Variants in TXLNG observed in about 807,000 individuals in gnomAD.
The protein encoded by TXLNG is taxilin gamma.
In TXLNG, 5 loss-of-function variants were observed where a neutral mutation model predicts 38.8. The ratio of observed to expected loss-of-function variants is 0.13; its 90% CI spans 0.07 to 0.27. The LOEUF (loss-of-function observed/expected upper bound fraction) is 0.27. TXLNG is among the 10% of genes least tolerant of loss of function. The pLI, the probability that TXLNG is intolerant of heterozygous loss-of-function variation, is 1.00. For synonymous variants in TXLNG, 182 were observed against 158.2 expected (o/e 1.15, Z -1.13); for missense variants, 393 against 398.2 (o/e 0.99, Z 0.11).
intron 3 of TXLNG, among the ~76,000 whole-genome samples, chrX:16,823,934 TTACTCTC>T (rs933564083): frequency 1.5e-4 from 14 of 91,497 alleles, no homozygotes; most frequent in African/African-American, 4.7e-4. Context: ...TCTTGGCCCT[TTACTCTC>T]TATAGATTTT....
chrX:16,820,739 C>A (rs1233739378), intron 3 of TXLNG, among the ~76,000 whole-genome samples: 2 of 112,339 alleles, frequency 1.8e-5, no homozygotes, highest in Non-Finnish European at 3.8e-5. Flanking sequence ...GAAACAGTGA[C>A]CTTATCAAAG....
chrX:16,811,182 T>C (rs1218480141), intron 1 of TXLNG, among the ~76,000 whole-genome samples: 1 of 111,488 alleles, frequency 9.0e-6, no homozygotes, highest in Non-Finnish European at 1.9e-5. Context: ...GAGGCAGGAG[T>C]GTCTGGAAAG....
intron 1 of TXLNG, among the ~76,000 whole-genome samples, chrX:16,805,031 G>A (rs1490623201): frequency 1.3e-5 from 1 of 79,643 alleles, no homozygotes; most frequent in Non-Finnish European, 2.2e-5. Context: ...TGGCTGTGTT[G>A]CCCAGGCTAG....
chrX:16,789,951 C>G (rs895073341), intron 1 of TXLNG, among the ~76,000 whole-genome samples: 2 of 109,918 alleles, frequency 1.8e-5, no homozygotes, highest in African/African-American at 6.6e-5. Flanking sequence ...TGTGCCACCA[C>G]GCCCGGCTAA....
At chrX:16,827,733 T>C (rs1456734038) in intron 3 of TXLNG, among the ~76,000 whole-genome samples, 1 of 111,959 alleles carries the variant, frequency 8.9e-6, no homozygotes, top group East Asian at 2.8e-4. Flanking sequence ...CCTTACTGAT[T>C]ATCTGTACTA....
chrX:16,795,216 G>T (rs944914042), intron 1 of TXLNG, among the ~76,000 whole-genome samples: 1 of 110,757 alleles, frequency 9.0e-6, no homozygotes, highest in Non-Finnish European at 1.9e-5. Context: ...GGCGGAGCTT[G>T]CAGCGAGCCG....
At position 16,829,695 on chromosome X, in the gene TXLNG, C is replaced by T; in HGVS notation, c.789C>T (p.Ala263=). Residue 263 remains alanine (A), a synonymous_variant, in exon 5 of 10, where the codon GCC becomes GCT. Coordinates refer to ENST00000380122, the MANE Select transcript of TXLNG (RefSeq NM_018360.3). ...TGGAGCAGCATGACATCCACAACGC[C>T]AAACTCCGACAGGAAAACATTGAGC... ...AQLEQHDIHN[A]KLRQENIELG... is the part of the protein sequence containing the mutation. The T allele has an allele frequency of 1.7e-6, 2 of 1,211,800 alleles. No individual in the cohort carries two copies. Among genetic ancestry groups the T allele is most frequent in the Middle Eastern group, 2.3e-4 (1 of 4,355 alleles).
At chrX:16,787,479 G>A (rs1300000347) in intron 1 of TXLNG, among the ~76,000 whole-genome samples, 1 of 111,201 alleles carries the variant, frequency 9.0e-6, no homozygotes, top group Non-Finnish European at 1.9e-5. Context: ...TGGGAAACAG[G>A]CCGGACTGTT....
At chrX:16,807,790 A>T (rs944825641) in intron 1 of TXLNG, among the ~76,000 whole-genome samples, 1 of 111,557 alleles carries the variant, frequency 9.0e-6, no homozygotes, top group African/African-American at 3.3e-5. Context: ...TCCTCTGCAT[A>T]TGCCTGGCCC....
At chrX:16,818,909 C>T in intron 2 of TXLNG, 32 bp downstream of exon 2, 1 of 1,148,210 alleles carries the variant, frequency 8.7e-7, no homozygotes. Context: ...GGACGTTTCA[C>T]ATGCTAATCA....
intron 3 of TXLNG, 134 bp from the exon 4 acceptor site, chrX:16,827,960 A>T: frequency 5.6e-6 from 3 of 535,997 alleles, no homozygotes; most frequent in Non-Finnish European, 8.2e-6. Context: ...CATGGCATGA[A>T]ACAATTTAAA....
chrX:16,789,501 G>A (rs1927627514), intron 1 of TXLNG, among the ~76,000 whole-genome samples: 1 of 107,817 alleles, frequency 9.3e-6, no homozygotes, highest in Admixed American at 1.0e-4. Context: ...TCAGTAGCCA[G>A]TGTGGCTAGT....
intron 6 of TXLNG, among the ~76,000 whole-genome samples, chrX:16,834,042 T>G (rs1207227983): frequency 8.9e-6 from 1 of 112,310 alleles, no homozygotes; most frequent in Admixed American, 9.4e-5. Flanking sequence ...AGAAACCATA[T>G]TAGGCCCCCA....
intron 1 of TXLNG, among the ~76,000 whole-genome samples, chrX:16,814,361 C>T (rs1928652874): frequency 8.9e-6 from 1 of 112,029 alleles, no homozygotes; most frequent in African/African-American, 3.2e-5. Flanking sequence ...CACCTGTAAA[C>T]CCAGCACTTT....
chrX:16,828,130 A>G lies in TXLNG; in HGVS notation c.535A>G (p.Ile179Val), dbSNP rs992353254. 8.3e-6 allele frequency: 10 copies of G among 1,209,366 alleles called. No individual in the cohort carries two copies. The Admixed American group carries it at 2.2e-4, about 26-fold the overall frequency. ...ESRSVQKQMK[I>V]LQKKQAQIVK... ...CAGGAGTGTTCAGAAGCAAATGAAG[A>G]TCCTGCAGAAGAAGCAAGCCCAGAT... Residue 179 changes from isoleucine (I) to valine (V), a missense_variant, in exon 4 of 10, where the codon ATC (isoleucine) becomes GTC (valine). By Grantham distance (29) the Ile-to-Val change is conservative. Coordinates refer to ENST00000380122, the MANE Select transcript of TXLNG (RefSeq NM_018360.3).
intron 7 of TXLNG, among the ~76,000 whole-genome samples, chrX:16,835,420 C>T (rs951180484): frequency 2.7e-5 from 3 of 111,548 alleles, no homozygotes; most frequent in Admixed American, 9.5e-5. Flanking sequence ...TCTTTGGAAC[C>T]GAAGATCATG....
Position 16,841,345 on chromosome X carries a change from T to C in TXLNG, c.1249-83T>C, listed in dbSNP as rs371661634. The C allele has an allele frequency of 9.3e-6, 8 of 861,620 alleles. No homozygotes were observed. In the East Asian group the frequency reaches 2.2e-4, roughly 24 times the overall value. The allele number at this position is 861,620 out of a possible 1,213,427, so 71.0% of individuals were successfully genotyped here. ...GAACATGTTCCATAGGTGAGAAGTGTCCAATATGGCTGAGCTGGCTTAATT... is the reference window on the plus strand; with the variant it reads ...GAACATGTTCCATAGGTGAGAAGTGCCCAATATGGCTGAGCTGGCTTAATT... On this transcript the variant is annotated intron_variant, in intron 9 of 9. Coordinates refer to ENST00000380122, the MANE Select transcript of TXLNG (RefSeq NM_018360.3).
chrX:16,822,790 T>C (rs1186405659), intron 3 of TXLNG, among the ~76,000 whole-genome samples: 3 of 112,057 alleles, frequency 2.7e-5, no homozygotes. Context: ...GTGGTTGTTC[T>C]CAGACTCACA....
At chrX:16,808,983 A>G (rs1443858626) in intron 1 of TXLNG, among the ~76,000 whole-genome samples, 1 of 112,175 alleles carries the variant, frequency 8.9e-6, no homozygotes, top group African/African-American at 3.2e-5. Context: ...AGCTACTGCA[A>G]AGTTTATACT....
Sources: gnomAD v4.1 joint callset for allele counts (sites outside exome capture counted in the v4.1 genomes callset) on GRCh38, gnomAD v4.1.1 for gene constraint, MANE v1.5 for transcripts, NCBI Gene and HGNC (gene_info 2026-07-23, HGNC 2026-07-21) for gene names.